Variants in RBFOX1 observed in about 807,000 individuals in gnomAD.
RBFOX1 encodes the protein RNA binding fox-1 homolog 1.
In RBFOX1, 8 loss-of-function variants were observed where a neutral mutation model predicts 57.7. The observed-to-expected ratio is 0.14, with a 90% CI of 0.08 to 0.25. The LOEUF is 0.25. RBFOX1 is among the 10% of genes least tolerant of loss of function. The pLI is 1.00. For synonymous variants in RBFOX1, 326 were observed against 222.4 expected, an observed-to-expected ratio of 1.47 and a Z score of -4.15; for missense variants, 611 against 548.5, an observed-to-expected ratio of 1.11 and a Z score of -1.14.
intron 3 of RBFOX1, among the ~76,000 whole-genome samples, chr16:6,845,444 C>T (rs9940895): frequency 1.6e-4 from 25 of 152,044 alleles, no homozygotes; most frequent in African/African-American, 4.8e-4. Context: ...AGAATCCTTT[C>T]CCCATTGCTT....
At chr16:5,955,425 C>T (rs1423346161) in intron 4 of RBFOX1, among the ~76,000 whole-genome samples, 4 of 150,692 alleles carry the variant, frequency 2.7e-5, no homozygotes, top group Non-Finnish European at 4.4e-5. Flanking sequence ...AGTCTTTCCT[C>T]AGTGCCTGAG....
At chr16:6,353,754 C>G (rs979737992) in intron 2 of RBFOX1, among the ~76,000 whole-genome samples, 1 of 152,082 alleles carries the variant, frequency 6.6e-6, no homozygotes, top group Non-Finnish European at 1.5e-5. Flanking sequence ...TTCATGCAAG[C>G]GAACGGTGAG....
intron 3 of RBFOX1, among the ~76,000 whole-genome samples, chr16:5,724,664 T>C (rs1286428617): frequency 6.6e-6 from 1 of 152,132 alleles, no homozygotes; most frequent in Non-Finnish European, 1.5e-5. Context: ...CAAATAGAGA[T>C]GGTTTTTCTT....
chr16:7,356,954 C>G (rs904161448), intron 4 of RBFOX1, among the ~76,000 whole-genome samples: 5 of 152,152 alleles, frequency 3.3e-5, no homozygotes, highest in African/African-American at 4.8e-5. Context: ...CTTGTTGCCT[C>G]TAGTTTCTGT....
intron 5 of RBFOX1, among the ~76,000 whole-genome samples, chr16:7,551,280 A>T (rs2086411757): frequency 6.6e-6 from 1 of 152,082 alleles, no homozygotes; most frequent in East Asian, 1.9e-4. Flanking sequence ...TAAAGTTTAG[A>T]AAAAAGTCAC....
At chr16:5,702,121 A>G (rs1288449937) in intron 3 of RBFOX1, among the ~76,000 whole-genome samples, 1 of 152,186 alleles carries the variant, frequency 6.6e-6, no homozygotes, top group African/African-American at 2.4e-5. Flanking sequence ...CCATTCTCAC[A>G]CTGCTGTAAA....
At chr16:5,406,683 G>C (rs2066877097) in intron 1 of RBFOX1, among the ~76,000 whole-genome samples, 1 of 151,448 alleles carries the variant, frequency 6.6e-6, no homozygotes, top group Non-Finnish European at 1.5e-5. Flanking sequence ...TGTTCTATTG[G>C]TTCTGTTTTC....
At chr16:7,151,358 C>T (rs764469148) in intron 4 of RBFOX1, among the ~76,000 whole-genome samples, 74 of 152,146 alleles carry the variant, frequency 4.9e-4, no homozygotes, top group Non-Finnish European at 7.9e-4. Flanking sequence ...TTTATTGGCT[C>T]ATGAAATTAG....
At chr16:6,626,169 A>G (rs1472683036) in intron 2 of RBFOX1, among the ~76,000 whole-genome samples, 1 of 144,546 alleles carries the variant, frequency 6.9e-6, no homozygotes, top group Non-Finnish European at 1.5e-5. Context: ...CAAATTGCAT[A>G]GTTGGTTCTG....
chr16:7,512,585 C>T (rs1031996578), intron 4 of RBFOX1, among the ~76,000 whole-genome samples: 3 of 152,174 alleles, frequency 2.0e-5, no homozygotes, highest in Admixed American at 2.0e-4. Flanking sequence ...TCTGGAGTCC[C>T]ATGTTCCTGG....
intron 3 of RBFOX1, among the ~76,000 whole-genome samples, chr16:6,684,953 A>G (rs1166422693): frequency 2.6e-5 from 4 of 152,184 alleles, no homozygotes; most frequent in Non-Finnish European, 5.9e-5. Context: ...GTGATCTTCA[A>G]TTAATCTCTT....
intron 11 of RBFOX1, among the ~76,000 whole-genome samples, chr16:7,640,711 C>G (rs1385965540): frequency 1.3e-5 from 2 of 152,148 alleles, no homozygotes; most frequent in Non-Finnish European, 2.9e-5. Flanking sequence ...TTTTTTAATG[C>G]TCACATTTTC....
intron 3 of RBFOX1, among the ~76,000 whole-genome samples, chr16:7,038,567 C>T (rs886195869): frequency 6.6e-6 from 1 of 152,172 alleles, no homozygotes; most frequent in African/African-American, 2.4e-5. Context: ...CGTGGTTTAG[C>T]TTGTAAAGGT....
chr16:6,483,314 T>G, intron 2 of RBFOX1: 1 of 1,420,086 alleles, frequency 7.0e-7, no homozygotes. Context: ...GCCCGCGCGC[T>G]CGGGGCGTTC....
chr16:6,615,697 A>G (rs1047454244), intron 2 of RBFOX1, among the ~76,000 whole-genome samples: 5 of 152,190 alleles, frequency 3.3e-5, no homozygotes, highest in African/African-American at 1.2e-4. Context: ...TCTCCAGGAG[A>G]ACATCAATGC....
chr16:5,328,809 C>G (rs1447690449), intron 1 of RBFOX1, among the ~76,000 whole-genome samples: 1 of 152,174 alleles, frequency 6.6e-6, no homozygotes, highest in South Asian at 2.1e-4. Context: ...GAATCAGCCA[C>G]GAGAATGTGA....
At chr16:6,493,176 C>G (rs2095673138) in intron 2 of RBFOX1, among the ~76,000 whole-genome samples, 1 of 152,146 alleles carries the variant, frequency 6.6e-6, no homozygotes, top group Admixed American at 6.5e-5. Flanking sequence ...TGGACATAGG[C>G]AACCTAAATT....
intron 2 of RBFOX1, among the ~76,000 whole-genome samples, chr16:6,617,414 G>C (rs1346458727): frequency 6.6e-6 from 1 of 151,984 alleles, no homozygotes; most frequent in Non-Finnish European, 1.5e-5. Flanking sequence ...CACTCATGCA[G>C]AGGGACATGA....
chr16:7,536,292 C>T (rs144023926), intron 5 of RBFOX1, among the ~76,000 whole-genome samples: 7 of 152,298 alleles, frequency 4.6e-5, no homozygotes, highest in African/African-American at 1.4e-4. Context: ...AAAGAAGTGA[C>T]TTTTAACATG....
Sources: gnomAD v4.1 joint callset for allele counts (sites outside exome capture counted in the v4.1 genomes callset) on GRCh38, gnomAD v4.1.1 for gene constraint, MANE v1.5 for transcripts, NCBI Gene and HGNC (gene_info 2026-07-23, HGNC 2026-07-21) for gene names.